Variants in PDE4DIP observed in about 807,000 individuals in gnomAD.
The protein encoded by PDE4DIP is myomegalin.
In PDE4DIP, 59 loss-of-function variants were observed where a neutral mutation model predicts 221.4. That is an observed-to-expected ratio of 0.27 (90% CI 0.22 to 0.33). The LOEUF (loss-of-function observed/expected upper bound fraction) is 0.33, where lower values mean the gene tolerates loss of function less well. PDE4DIP is among the 10% of genes least tolerant of loss of function. PDE4DIP has a pLI of 1.00. For missense variants in PDE4DIP, 1,036 were observed against 2,154.2 expected, an observed-to-expected ratio of 0.48 and a Z score of 10.28; for synonymous variants, 404 against 815.9, an observed-to-expected ratio of 0.50 and a Z score of 8.60.
chr1:148,919,523 A>T (rs2044969309), intron 1 of PDE4DIP, among the ~76,000 whole-genome samples: 1 of 151,686 alleles, frequency 6.6e-6, no homozygotes, highest in African/African-American at 2.4e-5. Context: ...GTCAAGACAG[A>T]TAGAGTCCTT....
intron 5 of PDE4DIP, chr1:148,952,377 C>T (rs1288150612): frequency 4.7e-6 from 5 of 1,070,674 alleles, no homozygotes; most frequent in Admixed American, 5.4e-5. Flanking sequence ...GAAATCTGAT[C>T]CTCCATCCCC....
intron 1 of PDE4DIP, among the ~76,000 whole-genome samples, chr1:148,822,855 GAAT>G (rs1553362349): frequency 1.4e-5 from 1 of 70,930 alleles, no homozygotes; most frequent in Non-Finnish European, 3.1e-5. Flanking sequence ...CATTTCATAA[GAAT>G]AATATTATTT....
At chr1:148,954,892 C>T (rs2054782790) in intron 5 of PDE4DIP, among the ~76,000 whole-genome samples, 1 of 152,232 alleles carries the variant, frequency 6.6e-6, no homozygotes, top group Non-Finnish European at 1.5e-5. Context: ...TTTAGAAAGC[C>T]TGCTACTGGT....
At position 148,901,946 on chromosome 1, in the gene PDE4DIP, A is replaced by C. The variant is rs1329487003; in HGVS notation, c.141+12052A>C. 1.7e-5 allele frequency among the ~76,000 whole-genome samples: 2 copies of C among 115,988 alleles called. 1 individual carries two copies. The highest frequency in any genetic ancestry group is 3.4e-5 in the Non-Finnish European group (2 of 59,116). 76.1% of individuals were successfully genotyped at this position (115,988 alleles called of 152,430 possible). On this transcript the variant is annotated intron_variant, in intron 1 of 43. Coordinates refer to ENST00000369354, the Ensembl canonical transcript of PDE4DIP. ...CCACTGTGAACTCCGAAAATTTGAGACAGGTCTCAGTAAATTTAGAAAGTT... is the reference window on the plus strand; with the variant it reads ...CCACTGTGAACTCCGAAAATTTGAGCCAGGTCTCAGTAAATTTAGAAAGTT...
chr1:148,861,607 A>G lies in PDE4DIP; in HGVS notation c.234-1643A>G, dbSNP rs1338629162. Among the ~76,000 whole-genome samples the G allele has an allele frequency of 8.0e-5, 7 of 87,438 alleles. No homozygotes were observed. In the East Asian group the frequency reaches 2.0e-3, roughly 25 times the overall value. The allele number at this position is 87,438 out of a possible 152,430, so 57.4% of individuals were successfully genotyped here. On this transcript the variant is annotated intron_variant, in intron 1 of 45. Transcript: ENST00000524974. ...GAGCCGAGATCGTGCCATGCACTCC[A>G]GCCTGGGCAACAAAAGCAAAACTCT...
intron 22 of PDE4DIP, among the ~76,000 whole-genome samples, chr1:148,996,990 TAAAAG>T (rs1386897286): frequency 2.0e-5 from 3 of 152,256 alleles, no homozygotes; most frequent in Admixed American, 6.5e-5. Flanking sequence ...TTTGTAGAGA[TAAAAG>T]AAAACAACAT....
intron 1 of PDE4DIP, among the ~76,000 whole-genome samples, chr1:148,923,342 G>C (rs1364266838): frequency 6.6e-6 from 1 of 151,420 alleles, no homozygotes; most frequent in Non-Finnish European, 1.5e-5. Context: ...ATCATTGTTA[G>C]TCCACTTCCG....
At chr1:149,000,185 G>A (rs1575122426) in intron 23 of PDE4DIP, among the ~76,000 whole-genome samples, 2 of 152,304 alleles carry the variant, frequency 1.3e-5, no homozygotes, top group South Asian at 4.1e-4. Flanking sequence ...ATAGCCCACT[G>A]CTGATCCTTC....
intron 30 of PDE4DIP, among the ~76,000 whole-genome samples, 169 bp from the exon 34 acceptor site, chr1:149,010,274 C>T (rs1553603908): frequency 6.6e-6 from 1 of 152,120 alleles, no homozygotes; most frequent in Non-Finnish European, 1.5e-5. Context: ...GTTTGCCTCA[C>T]TATAGGAGCT....
At chr1:148,985,770 T>G (rs1271717977) in intron 21 of PDE4DIP, 1 of 152,180 alleles carries the variant, frequency 6.6e-6, no homozygotes, top group Non-Finnish European at 1.5e-5. Context: ...ACTGTTTTCC[T>G]CTTACTAAAA....
At chr1:148,915,130 GTTTT>G (rs1404013915) in intron 1 of PDE4DIP, among the ~76,000 whole-genome samples, 6 of 115,364 alleles carry the variant, frequency 5.2e-5, no homozygotes, top group Non-Finnish European at 7.6e-5. Flanking sequence ...CTTTCTTCTG[GTTTT>G]TTTGTTTGTT....
chr1:149,015,576 T>C (rs2070210261), intron 32 of PDE4DIP, among the ~76,000 whole-genome samples: 1 of 152,206 alleles, frequency 6.6e-6, no homozygotes, highest in Admixed American at 6.5e-5. Flanking sequence ...GGGAAAGGCC[T>C]ATGATTTCAA....
At chr1:148,958,454 A>C (rs1403788201) in intron 5 of PDE4DIP, among the ~76,000 whole-genome samples, 1 of 152,226 alleles carries the variant, frequency 6.6e-6, no homozygotes, top group Admixed American at 6.5e-5. Context: ...AATGAAATCC[A>C]GTTCATTAAC....
Position 148,947,977 on chromosome 1 carries a change from A to AG in PDE4DIP, c.636+10118dup, listed in dbSNP as rs587694159. ...CAGACCTTATTGTGTCAGAAACTCA[A>AG]GGGGGTAGGTCCCAACAATTTATGT... On this transcript the variant is annotated intron_variant, in intron 5 of 43. Coordinates refer to ENST00000369354, the Ensembl canonical transcript of PDE4DIP. 6.8e-4 allele frequency among the ~76,000 whole-genome samples: 103 copies of AG among 151,578 alleles called. 1 individual carries two copies. In the South Asian group the frequency reaches 0.016, roughly 24 times the overall value.
chr1:148,980,804 C>T (rs587713218), intron 20 of PDE4DIP, among the ~76,000 whole-genome samples: 2 of 152,234 alleles, frequency 1.3e-5, no homozygotes, highest in East Asian at 3.9e-4. Flanking sequence ...TTTTTATGAA[C>T]CAGATTCCTT....
intron 1 of PDE4DIP, among the ~76,000 whole-genome samples, chr1:148,893,196 C>A (rs1699424295): frequency 7.0e-6 from 1 of 142,652 alleles, no homozygotes; most frequent in Non-Finnish European, 1.5e-5. Context: ...AAGTGATCTT[C>A]CCACCTTGGC....
chr1:148,917,943 A>G (rs1459396786), intron 1 of PDE4DIP, among the ~76,000 whole-genome samples: 11 of 149,468 alleles, frequency 7.4e-5, no homozygotes, highest in African/African-American at 2.5e-4. Flanking sequence ...ACAGAGATGA[A>G]CTACGTGAAA....
intron 40 of PDE4DIP, 97 bp from the exon 44 acceptor site, chr1:149,028,463 C>T: frequency 3.1e-6 from 3 of 966,672 alleles, no homozygotes; most frequent in South Asian, 1.7e-5. Context: ...CAGGTTCAAG[C>T]AGGCCCATGT....
chr1:148,926,918 C>A (rs1368150584), intron 1 of PDE4DIP, among the ~76,000 whole-genome samples: 1 of 143,682 alleles, frequency 7.0e-6, no homozygotes, highest in African/African-American at 2.6e-5. Flanking sequence ...AGATCTTAGA[C>A]TTGTTCTTCA....
Sources: allele counts gnomAD v4.1 joint callset (sites outside exome capture counted in the v4.1 genomes callset), GRCh38; gene constraint gnomAD v4.1.1; transcripts MANE v1.5; gene names NCBI Gene and HGNC (gene_info 2026-07-23, HGNC 2026-07-21).